The following ERC2 variants were observed in gnomAD, a reference collection of about 807,000 sequenced individuals.
ERC2 encodes ERC protein 2.
Under a neutral mutation model 114.8 loss-of-function variants are expected in ERC2, and 42 were observed. That is an observed-to-expected ratio of 0.37 (90% CI 0.29 to 0.47). ERC2 has a LOEUF of 0.47. Among genes scored for constraint, ERC2 ranks in the 20% least tolerant of loss-of-function variants. ERC2 has a pLI of 0.99. For missense variants in ERC2, 939 were observed against 1,150.7 expected, an observed-to-expected ratio of 0.82 and a Z score of 2.66; for synonymous variants, 454 against 425.5, an observed-to-expected ratio of 1.07 and a Z score of -0.82.
intron 3 of ERC2, among the ~76,000 whole-genome samples, chr3:56,206,493 G>A (rs933275271): frequency 2.0e-5 from 3 of 152,154 alleles, no homozygotes; most frequent in Non-Finnish European, 2.9e-5. Flanking sequence ...CCCCAGGATA[G>A]CAATTGTACT....
At chr3:56,341,101 A>G (rs995117757) in intron 2 of ERC2, among the ~76,000 whole-genome samples, 2 of 152,152 alleles carry the variant, frequency 1.3e-5, no homozygotes, top group African/African-American at 4.8e-5. Flanking sequence ...TCTTTAAAGA[A>G]CTGACTGTTA....
chr3:56,200,116 C>T (rs924637533), intron 3 of ERC2, among the ~76,000 whole-genome samples: 4 of 152,026 alleles, frequency 2.6e-5, no homozygotes, highest in Non-Finnish European at 5.9e-5. Context: ...GTGAGGAATT[C>T]AGACTATAAT....
chr3:55,795,394 T>TA (rs2070389733), intron 14 of ERC2, among the ~76,000 whole-genome samples: 1 of 152,198 alleles, frequency 6.6e-6, no homozygotes, highest in South Asian at 2.1e-4. Flanking sequence ...GGAACCTTCC[T>TA]ACTTACTTTC....
chr3:55,862,410 T>C (rs1049727122), intron 14 of ERC2, among the ~76,000 whole-genome samples: 14 of 152,220 alleles, frequency 9.2e-5, no homozygotes, highest in African/African-American at 3.4e-4. Context: ...TTGGCACTTA[T>C]ACTTCCTCCC....
chr3:55,972,275 T>C (rs533226795), intron 12 of ERC2, among the ~76,000 whole-genome samples: 1 of 152,294 alleles, frequency 6.6e-6, no homozygotes, highest in South Asian at 2.1e-4. Flanking sequence ...TTCTTAAAAT[T>C]TTACTTTAAG....
intron 17 of ERC2, chr3:55,657,701 C>T (rs1273765290): frequency 6.6e-6 from 1 of 152,176 alleles, no homozygotes; most frequent in Non-Finnish European, 1.5e-5. Context: ...CTCAAGCAAT[C>T]CTCCCACCTT....
intron 17 of ERC2, among the ~76,000 whole-genome samples, chr3:55,656,036 T>C (rs2060845449): frequency 6.6e-6 from 1 of 152,226 alleles, no homozygotes; most frequent in African/African-American, 2.4e-5. Context: ...TGTGGTGTTC[T>C]TTCTGTCTGC....
At chr3:55,843,245 AG>A (rs930011000) in intron 14 of ERC2, among the ~76,000 whole-genome samples, 30 of 152,270 alleles carry the variant, frequency 2.0e-4, no homozygotes, top group African/African-American at 7.2e-4. Context: ...GACTGGATAG[AG>A]GGAGCTGGAA....
chr3:56,129,926 T>C (rs2080106042), intron 6 of ERC2, among the ~76,000 whole-genome samples: 1 of 152,158 alleles, frequency 6.6e-6, no homozygotes, highest in Admixed American at 6.5e-5. Context: ...CCTAATGAGC[T>C]CAAAAAGAAG....
chr3:56,278,579 T>G (rs1001861640), intron 3 of ERC2, among the ~76,000 whole-genome samples: 2 of 152,222 alleles, frequency 1.3e-5, no homozygotes, highest in Non-Finnish European at 2.9e-5. Flanking sequence ...TTTTAGTCCA[T>G]ATTTGTGTTG....
chr3:55,592,897 T>A (rs542621505), intron 17 of ERC2, among the ~76,000 whole-genome samples: 2 of 152,324 alleles, frequency 1.3e-5, no homozygotes, highest in South Asian at 4.1e-4. Context: ...CTGTACCCGT[T>A]AAAATGCACA....
intron 2 of ERC2, among the ~76,000 whole-genome samples, chr3:56,335,794 C>T (rs948104343): frequency 2.0e-5 from 3 of 152,114 alleles, no homozygotes; most frequent in South Asian, 4.1e-4. Flanking sequence ...TGTCTCTACT[C>T]TGCTGTGAGT....
At chr3:55,968,479 G>GT (rs1419155685) in intron 12 of ERC2, among the ~76,000 whole-genome samples, 2 of 152,114 alleles carry the variant, frequency 1.3e-5, no homozygotes, top group Non-Finnish European at 1.5e-5. Context: ...AGCTATTTGC[G>GT]TAAGAGCCCA....
At chr3:55,657,042 A>T (rs2060900154) in intron 17 of ERC2, among the ~76,000 whole-genome samples, 1 of 151,894 alleles carries the variant, frequency 6.6e-6, no homozygotes, top group Non-Finnish European at 1.5e-5. Context: ...CTTCCCTCTC[A>T]TCTCCCCCTA....
chr3:56,065,226 T>A (rs986656950), intron 7 of ERC2, among the ~76,000 whole-genome samples: 11 of 152,146 alleles, frequency 7.2e-5, no homozygotes, highest in African/African-American at 2.7e-4. Flanking sequence ...TTATTTATTT[T>A]TTTTCTTTAT....
intron 7 of ERC2, among the ~76,000 whole-genome samples, chr3:56,056,198 A>T (rs935638653): frequency 6.6e-6 from 1 of 152,194 alleles, no homozygotes; most frequent in African/African-American, 2.4e-5. Flanking sequence ...CTGGAGACAA[A>T]TGCTTTTGAA....
chr3:56,040,734 CTATA>C (rs1337499920), intron 7 of ERC2, among the ~76,000 whole-genome samples: 5 of 133,812 alleles, frequency 3.7e-5, no homozygotes, highest in African/African-American at 1.1e-4. Context: ...AGATATATCT[CTATA>C]TATATAGAGA....
chr3:56,064,542 T>A (rs539250380), intron 7 of ERC2, among the ~76,000 whole-genome samples: 73 of 152,212 alleles, frequency 4.8e-4, no homozygotes, highest in Non-Finnish European at 9.6e-4. Context: ...CAGACTTTAT[T>A]CACAAAAAAG....
intron 15 of ERC2, among the ~76,000 whole-genome samples, chr3:55,723,781 T>C (rs1226980374): frequency 6.6e-6 from 1 of 152,234 alleles, no homozygotes; most frequent in Non-Finnish European, 1.5e-5. Context: ...TGCACCACAA[T>C]GGTGATCAAT....
Sources: gnomAD v4.1 joint callset for allele counts (sites outside exome capture counted in the v4.1 genomes callset) on GRCh38, gnomAD v4.1.1 for gene constraint, MANE v1.5 for transcripts, NCBI Gene and HGNC (gene_info 2026-07-23, HGNC 2026-07-21) for gene names.